WDFY2: variants seen among roughly 807,000 people sequenced by gnomAD.
WDFY2 encodes WD repeat and FYVE domain containing 2.
Under a neutral mutation model 56.4 loss-of-function variants are expected in WDFY2, and 36 were observed. The observed-to-expected ratio is 0.64, with a 90% confidence interval of 0.49 to 0.84. The LOEUF (loss-of-function observed/expected upper bound fraction) is 0.84, where lower values mean the gene tolerates loss of function less well. Ranked by LOEUF, WDFY2 falls within the 40% of genes least tolerant of loss-of-function variation. The pLI, the probability that WDFY2 is intolerant of heterozygous loss-of-function variation, is 0.00. For synonymous variants in WDFY2, 176 were observed against 183.7 expected, an observed-to-expected ratio of 0.96 and a Z score of 0.34; for missense variants, 444 against 512.2, an observed-to-expected ratio of 0.87 and a Z score of 1.29.
intron 4 of WDFY2, among the ~76,000 whole-genome samples, chr13:51,710,631 C>G (rs922104522): frequency 7.2e-5 from 11 of 152,060 alleles, no homozygotes; most frequent in African/African-American, 2.7e-4. Context: ...ACAAGCATTC[C>G]TATACACCAA....
At chr13:51,755,297 A>T in intron 8 of WDFY2, 61 bp from the exon 9 acceptor site, 1 of 1,483,684 alleles carries the variant, frequency 6.7e-7, no homozygotes, top group Non-Finnish European at 9.4e-7. Context: ...CATCAGGGTC[A>T]GTGGTTTCCA....
At chr13:51,612,728 C>T (rs968221462) in intron 1 of WDFY2, among the ~76,000 whole-genome samples, 6 of 152,278 alleles carry the variant, frequency 3.9e-5, no homozygotes, top group Non-Finnish European at 8.8e-5. Flanking sequence ...TTATGGTTGA[C>T]CATATACATT....
At chr13:51,616,669 A>T (rs1002863290) in intron 1 of WDFY2, among the ~76,000 whole-genome samples, 12 of 152,318 alleles carry the variant, frequency 7.9e-5, no homozygotes, top group Middle Eastern at 3.4e-3. Context: ...CCCAGAAGTG[A>T]CACACGTTTC....
At chr13:51,697,444 G>A (rs549658024) in intron 3 of WDFY2, among the ~76,000 whole-genome samples, 1 of 152,118 alleles carries the variant, frequency 6.6e-6, no homozygotes, top group East Asian at 1.9e-4. Flanking sequence ...AGCAGCCTGG[G>A]TAACGTGGTA....
At chr13:51,629,826 C>CTTTTTTTTTTTTTTTTT (rs11432630) in intron 1 of WDFY2, among the ~76,000 whole-genome samples, 3 of 125,138 alleles carry the variant, frequency 2.4e-5, no homozygotes, top group Non-Finnish European at 3.3e-5. Context: ...TCTTTCTTTT[C>CTTTTTTTTTTTTTTTTT]TTTTTTTTTT....
At chr13:51,748,554 CAT>C (rs1341713217) in intron 7 of WDFY2, among the ~76,000 whole-genome samples, 3 of 152,258 alleles carry the variant, frequency 2.0e-5, no homozygotes, top group East Asian at 3.9e-4. Flanking sequence ...TAAAAATAAA[CAT>C]AGATGATAAC....
intron 2 of WDFY2, among the ~76,000 whole-genome samples, chr13:51,669,660 A>G (rs1034099682): frequency 1.3e-5 from 2 of 152,208 alleles, no homozygotes; most frequent in African/African-American, 4.8e-5. Flanking sequence ...CTAGATTTTA[A>G]TAAAAATGTT....
intron 11 of WDFY2, among the ~76,000 whole-genome samples, chr13:51,759,051 T>G (rs962344101): frequency 1.3e-5 from 2 of 152,146 alleles, no homozygotes; most frequent in African/African-American, 4.8e-5. Flanking sequence ...ACGTGGTGGT[T>G]CCTGCCTGTA....
intron 6 of WDFY2, among the ~76,000 whole-genome samples, chr13:51,734,140 C>G (rs1952783787): frequency 1.3e-5 from 2 of 152,164 alleles, no homozygotes; most frequent in African/African-American, 4.8e-5. Flanking sequence ...AGATCACACT[C>G]TGGGAAAGGC....
chr13:51,746,762 G>A lies in WDFY2; in HGVS notation c.726-4548G>A, dbSNP rs536379983. ...GAGATAGCTTTAAAATAGAGAAAAGGCATCCTCATATATCCAGAAAATAGA... is the reference window on the plus strand; with the variant it reads ...GAGATAGCTTTAAAATAGAGAAAAGACATCCTCATATATCCAGAAAATAGA... On this transcript the variant is annotated intron_variant, in intron 7 of 11. Coordinates refer to ENST00000298125, the MANE Select transcript of WDFY2 (RefSeq NM_052950.4). Among the ~76,000 whole-genome samples, 7 of 152,238 alleles carry A rather than the reference G, an allele frequency of 4.6e-5. No individual in the cohort carries two copies. In the South Asian group the frequency reaches 1.5e-3, roughly 32 times the overall value.
intron 1 of WDFY2, among the ~76,000 whole-genome samples, chr13:51,636,501 G>A (rs955595913): frequency 6.6e-6 from 1 of 152,188 alleles, no homozygotes; most frequent in Non-Finnish European, 1.5e-5. Flanking sequence ...TCTTTTTAAT[G>A]ACGGAAAGCA....
intron 2 of WDFY2, among the ~76,000 whole-genome samples, chr13:51,663,376 T>C (rs1955647255): frequency 6.6e-6 from 1 of 152,140 alleles, no homozygotes; most frequent in Non-Finnish European, 1.5e-5. Flanking sequence ...AGGCCACAGA[T>C]CTAGATGCCA....
chr13:51,752,981 A>G (rs940249932), intron 8 of WDFY2: 1 of 152,226 alleles, frequency 6.6e-6, no homozygotes, highest in African/African-American at 2.4e-5. Flanking sequence ...CTGGAAGAAA[A>G]GGCTTGTAGG....
At chr13:51,712,835 T>A (rs540951047) in intron 4 of WDFY2, among the ~76,000 whole-genome samples, 9 of 152,092 alleles carry the variant, frequency 5.9e-5, no homozygotes, top group Admixed American at 5.2e-4. Flanking sequence ...GGATAATATG[T>A]AATATTATGA....
At chr13:51,618,779 A>G (rs992749161) in intron 1 of WDFY2, among the ~76,000 whole-genome samples, 8 of 152,230 alleles carry the variant, frequency 5.3e-5, no homozygotes, top group Non-Finnish European at 1.0e-4. Context: ...TGAACACAGA[A>G]CATCTCAGTT....
intron 1 of WDFY2, among the ~76,000 whole-genome samples, chr13:51,642,587 C>T (rs939925121): frequency 2.0e-5 from 3 of 152,176 alleles, no homozygotes; most frequent in Admixed American, 6.5e-5. Context: ...AGCCACCGTG[C>T]CCAGCCAGAG....
rs1953984902 is a variant in WDFY2 at position 51,588,472 on chromosome 13, T to G, written c.137+3648T>G. The G allele has an allele frequency of 2.0e-5, 3 of 152,256 alleles. No individual in the cohort carries two copies. In the South Asian group the frequency reaches 6.2e-4, roughly 31 times the overall value. The allele number at this position is 152,256 out of a possible 1,614,324, so 9.4% of individuals were successfully genotyped here. ...CTTTCAGTAACTTGATAGTTTCGTT[T>G]AGGCAATTATAGGAAATCATTCCCT... On this transcript the variant is annotated intron_variant, in intron 1 of 11. Coordinates refer to ENST00000298125, the MANE Select transcript of WDFY2 (RefSeq NM_052950.4).
intron 1 of WDFY2, among the ~76,000 whole-genome samples, chr13:51,647,189 A>G (rs1295913458): frequency 1.3e-5 from 2 of 152,204 alleles, no homozygotes; most frequent in African/African-American, 2.4e-5. Flanking sequence ...CCCCATGGAT[A>G]CAGTCATGTG....
intron 1 of WDFY2, among the ~76,000 whole-genome samples, chr13:51,620,417 T>G (rs1160196632): frequency 6.6e-6 from 1 of 152,062 alleles, no homozygotes; most frequent in Non-Finnish European, 1.5e-5. Flanking sequence ...TGGCCATGCC[T>G]GGTGGTGCTC....
Sources: gnomAD v4.1 joint callset for allele counts (sites outside exome capture counted in the v4.1 genomes callset) on GRCh38, gnomAD v4.1.1 for gene constraint, MANE v1.5 for transcripts, NCBI Gene and HGNC (gene_info 2026-07-23, HGNC 2026-07-21) for gene names.